Variants in ROBO2 observed in about 807,000 individuals in gnomAD.
ROBO2 encodes roundabout guidance receptor 2, also known as roundabout homolog 2.
ROBO2 carries 53 observed loss-of-function variants against 160.8 expected under a neutral mutation model. That is an observed-to-expected ratio of 0.33 (90% CI 0.26 to 0.41). The LOEUF (loss-of-function observed/expected upper bound fraction) is 0.41, where lower values mean the gene tolerates loss of function less well. ROBO2 is among the 10% of genes least tolerant of loss of function. The probability of loss-of-function intolerance (pLI) is 1.00; values close to 1 mark genes in which losing one functional copy is unlikely to be tolerated. For missense variants in ROBO2, 1,577 were observed against 1,722.4 expected (o/e 0.92, Z 1.49); for synonymous variants, 664 against 611.7 (o/e 1.09, Z -1.26).
At chr3:77,013,537 G>C (rs1381386548) in intron 2 of ROBO2, among the ~76,000 whole-genome samples, 3 of 151,852 alleles carry the variant, frequency 2.0e-5, no homozygotes, top group Non-Finnish European at 4.4e-5. Flanking sequence ...AGCATTTAAG[G>C]CTCTGACCGT....
chr3:76,622,264 A>C (rs2089241362), intron 2 of ROBO2, among the ~76,000 whole-genome samples: 3 of 74,310 alleles, frequency 4.0e-5, no homozygotes, highest in Non-Finnish European at 5.6e-5. Flanking sequence ...GAAAGAAAGA[A>C]AGAAAGAAAG....
chr3:76,304,006 AC>A (rs1246947260), intron 2 of ROBO2, among the ~76,000 whole-genome samples: 3 of 152,248 alleles, frequency 2.0e-5, no homozygotes, highest in African/African-American at 7.2e-5. Flanking sequence ...TTTCTCGATA[AC>A]AGTGAAAATA....
chr3:77,003,770 G>GA (rs1432566815), intron 2 of ROBO2, among the ~76,000 whole-genome samples: 3 of 151,998 alleles, frequency 2.0e-5, no homozygotes, highest in Admixed American at 2.0e-4. Flanking sequence ...GGCTGGTCTC[G>GA]AACTCCTGAC....
intron 2 of ROBO2, among the ~76,000 whole-genome samples, chr3:76,845,946 C>T (rs992398470): frequency 2.6e-5 from 4 of 152,056 alleles, no homozygotes; most frequent in Admixed American, 2.6e-4. Flanking sequence ...AAATGCTCAA[C>T]AATGGGTCTG....
chr3:76,337,915 G>T (rs903697146), intron 2 of ROBO2, among the ~76,000 whole-genome samples: 7 of 151,986 alleles, frequency 4.6e-5, no homozygotes, highest in African/African-American at 1.4e-4. Flanking sequence ...ATTTATTTTT[G>T]ATTTATTATT....
At chr3:76,030,481 A>G (rs2066885676) in intron 2 of ROBO2, among the ~76,000 whole-genome samples, 1 of 152,022 alleles carries the variant, frequency 6.6e-6, no homozygotes, top group African/African-American at 2.4e-5. Context: ...GTTTTCTTCT[A>G]TGGTTTTTAT....
chr3:76,130,278 T>G (rs1333739593), intron 2 of ROBO2, among the ~76,000 whole-genome samples: 3 of 152,082 alleles, frequency 2.0e-5, no homozygotes, highest in African/African-American at 7.2e-5. Context: ...TATTGCAACA[T>G]CAGTTTGGGA....
chr3:76,304,743 T>C (rs6764406), intron 2 of ROBO2, among the ~76,000 whole-genome samples: 55,499 of 117,214 alleles, frequency 0.47, 13,113 homozygotes, highest in Non-Finnish European at 0.56. Context: ...TTTTCTTTTC[T>C]TTCCTTCTTT....
intron 2 of ROBO2, among the ~76,000 whole-genome samples, chr3:77,155,791 C>G (rs187235399): frequency 6.6e-6 from 1 of 152,184 alleles, no homozygotes; most frequent in Non-Finnish European, 1.5e-5. Context: ...TTTGACCCCT[C>G]AAAAGCACTT....
intron 2 of ROBO2, among the ~76,000 whole-genome samples, chr3:77,098,620 G>A (rs1447948577): frequency 1.3e-5 from 2 of 152,054 alleles, no homozygotes; most frequent in Non-Finnish European, 2.9e-5. Flanking sequence ...GGCGGAGGCG[G>A]GCGGATCACG....
At chr3:76,033,641 G>A (rs1216316978) in intron 2 of ROBO2, among the ~76,000 whole-genome samples, 1 of 152,172 alleles carries the variant, frequency 6.6e-6, no homozygotes, top group Non-Finnish European at 1.5e-5. Context: ...TCAAATCACA[G>A]CCATTTTATT....
At chr3:76,221,705 G>A (rs899054990) in intron 2 of ROBO2, among the ~76,000 whole-genome samples, 12 of 152,162 alleles carry the variant, frequency 7.9e-5, no homozygotes, top group African/African-American at 2.7e-4. Flanking sequence ...TCTGGATGAT[G>A]GGGAACATGG....
At chr3:76,062,330 ACAC>A (rs2068095546) in intron 2 of ROBO2, among the ~76,000 whole-genome samples, 4 of 100,370 alleles carry the variant, frequency 4.0e-5, no homozygotes, top group Admixed American at 9.7e-5. Context: ...TTCAGTTGAA[ACAC>A]AATTTTTTTT....
At chr3:76,209,003 A>G (rs1398630083) in intron 2 of ROBO2, among the ~76,000 whole-genome samples, 1 of 152,000 alleles carries the variant, frequency 6.6e-6, no homozygotes, top group African/African-American at 2.4e-5. Flanking sequence ...TTTTATTACT[A>G]CTCCCAGGAA....
At chr3:77,373,188 TA>T (rs2072065565) in intron 2 of ROBO2, among the ~76,000 whole-genome samples, 1 of 147,498 alleles carries the variant, frequency 6.8e-6, no homozygotes, top group African/African-American at 2.5e-5. Context: ...TATTATATTT[TA>T]AAATTATTAT....
At chr3:76,329,789 G>C (rs2073342848) in intron 2 of ROBO2, among the ~76,000 whole-genome samples, 1 of 152,138 alleles carries the variant, frequency 6.6e-6, no homozygotes, top group Non-Finnish European at 1.5e-5. Flanking sequence ...GTATTCCAGA[G>C]TCGGAGGAAA....
intron 2 of ROBO2, among the ~76,000 whole-genome samples, chr3:76,102,090 T>C (rs112981115): frequency 0.022 from 3,289 of 151,448 alleles, 119 homozygotes; most frequent in African/African-American, 0.075. Context: ...CCCCTTCCTG[T>C]GTCCATGTGT....
intron 2 of ROBO2, among the ~76,000 whole-genome samples, chr3:76,957,027 T>TA (rs1380204423): frequency 5.3e-5 from 8 of 152,142 alleles, no homozygotes; most frequent in African/African-American, 1.9e-4. Flanking sequence ...TTTCAAATCT[T>TA]ACGTTTAGGC....
At chr3:76,800,500 T>G (rs148370733) in intron 2 of ROBO2, among the ~76,000 whole-genome samples, 2 of 152,078 alleles carry the variant, frequency 1.3e-5, no homozygotes, top group African/African-American at 4.8e-5. Context: ...CCAGAATATA[T>G]AAGGAGCTCA....
Sources: allele counts gnomAD v4.1 joint callset (sites outside exome capture counted in the v4.1 genomes callset), GRCh38; gene constraint gnomAD v4.1.1; transcripts MANE v1.5; gene names NCBI Gene and HGNC (gene_info 2026-07-23, HGNC 2026-07-21).